The following CDC73 variants were observed in gnomAD, a reference collection of about 807,000 sequenced individuals.
The protein encoded by CDC73 is cell division cycle 73.
In CDC73, 21 loss-of-function variants were observed where a neutral mutation model predicts 83.7. That is an observed-to-expected ratio of 0.25 (90% CI 0.18 to 0.36). CDC73 has a LOEUF of 0.36. CDC73 is among the 10% of genes least tolerant of loss of function. The probability of loss-of-function intolerance (pLI) is 1.00; values close to 1 mark genes in which losing one functional copy is unlikely to be tolerated. For missense variants in CDC73, 342 were observed against 653.3 expected (o/e 0.52, Z 5.19); for synonymous variants, 224 against 212.9 (o/e 1.05, Z -0.45).
At chr1:193,200,770 T>C (rs1306996827) in intron 10 of CDC73, among the ~76,000 whole-genome samples, 2 of 152,158 alleles carry the variant, frequency 1.3e-5, no homozygotes, top group African/African-American at 4.8e-5. Flanking sequence ...TGTGTGTGTG[T>C]GTGTGCGCGC....
intron 15 of CDC73, among the ~76,000 whole-genome samples, chr1:193,247,399 T>C (rs1677972057): frequency 6.6e-6 from 1 of 152,016 alleles, no homozygotes; most frequent in Admixed American, 6.6e-5. Flanking sequence ...TCTCTCTCTC[T>C]CTTCAGGCCT....
At chr1:193,248,946 A>G (rs1677997875) in intron 15 of CDC73, among the ~76,000 whole-genome samples, 2 of 152,092 alleles carry the variant, frequency 1.3e-5, no homozygotes, top group Admixed American at 6.6e-5. Context: ...CAAAGGATTT[A>G]GAACATGACA....
intron 10 of CDC73, among the ~76,000 whole-genome samples, chr1:193,159,064 A>T (rs1174109523): frequency 6.6e-6 from 1 of 152,212 alleles, no homozygotes; most frequent in Non-Finnish European, 1.5e-5. Flanking sequence ...AACAAATGGT[A>T]CTTGTAAAAA....
rs1216098981 is a variant in CDC73, at chr1:193,125,178, C to T, written c.198C>T (p.Asn66=). 3.7e-6 allele frequency: 6 copies of T among 1,608,730 alleles called. No homozygotes were observed. In the African/African-American group the frequency reaches 4.0e-5, roughly 11 times the overall value. The change falls in exon 2 of 17, where the codon AAC becomes AAT. Residue 66 remains asparagine, a synonymous_variant. Transcript: ENST00000367435. ...ATTCCATTTTATTTCTACTTAATAACGTGCACCTTTCTCATCCTGTTTATG... is the reference window on the plus strand; with the variant it reads ...ATTCCATTTTATTTCTACTTAATAATGTGCACCTTTCTCATCCTGTTTATG... ...TLDSILFLLN[N]VHLSHPVYVR... is the part of the protein sequence containing the mutation.
chr1:193,162,375 T>C (rs928304856), intron 10 of CDC73, among the ~76,000 whole-genome samples: 6 of 140,862 alleles, frequency 4.3e-5, no homozygotes, highest in African/African-American at 1.6e-4. Flanking sequence ...AGTGTATATA[T>C]ATATATACAC....
At chr1:193,250,324 A>G (rs973466353) in intron 16 of CDC73, among the ~76,000 whole-genome samples, 4 of 151,888 alleles carry the variant, frequency 2.6e-5, no homozygotes, top group Admixed American at 6.6e-5. Flanking sequence ...CTTTACATTA[A>G]TAACAGTTTT....
At chr1:193,140,851 T>C (rs960819206) in intron 6 of CDC73, among the ~76,000 whole-genome samples, 1 of 152,222 alleles carries the variant, frequency 6.6e-6, no homozygotes, top group Non-Finnish European at 1.5e-5. Context: ...TAACTGAAAC[T>C]GTGGAAAGCC....
intron 10 of CDC73, among the ~76,000 whole-genome samples, chr1:193,157,875 A>G (rs1196302009): frequency 2.0e-5 from 3 of 152,068 alleles, no homozygotes; most frequent in Non-Finnish European, 4.4e-5. Context: ...TAACCTTTCT[A>G]TCAGTGATTT....
intron 15 of CDC73, among the ~76,000 whole-genome samples, chr1:193,244,734 T>TGCTTCTA (rs1376377595): frequency 6.6e-6 from 1 of 152,358 alleles, no homozygotes; most frequent in Admixed American, 6.5e-5. Context: ...TTCAATTACC[T>TGCTTCTA]GCTTCTAGAT....
At chr1:193,222,963 A>G (rs1677498564) in intron 13 of CDC73, among the ~76,000 whole-genome samples, 1 of 152,012 alleles carries the variant, frequency 6.6e-6, no homozygotes, top group African/African-American at 2.4e-5. Context: ...TTCTTTGGCC[A>G]CACCTTAATC....
At chr1:193,169,857 CT>C (rs1342975245) in intron 10 of CDC73, among the ~76,000 whole-genome samples, 1 of 151,430 alleles carries the variant, frequency 6.6e-6, no homozygotes, top group African/African-American at 2.4e-5. Context: ...CACATGTAAA[CT>C]TGTGTCATGG....
intron 10 of CDC73, among the ~76,000 whole-genome samples, chr1:193,189,061 C>G (rs987036102): frequency 6.6e-6 from 1 of 151,106 alleles, no homozygotes; most frequent in Non-Finnish European, 1.5e-5. Flanking sequence ...TCAAGAGATT[C>G]TCGTGCTTCA....
At chr1:193,217,095 T>G (rs1677380939) in intron 13 of CDC73, among the ~76,000 whole-genome samples, 1 of 152,122 alleles carries the variant, frequency 6.6e-6, no homozygotes, top group African/African-American at 2.4e-5. Flanking sequence ...TGTTCCTTTG[T>G]CTCCCTCCCA....
At chr1:193,206,587 C>T (rs962560139) in intron 11 of CDC73, among the ~76,000 whole-genome samples, 2 of 152,130 alleles carry the variant, frequency 1.3e-5, no homozygotes, top group Non-Finnish European at 2.9e-5. Context: ...CTGACATGTA[C>T]ACTAGTATTA....
At position 193,122,066 on chromosome 1, in the gene CDC73, C is replaced by G; in HGVS notation, c.-135C>G. ...CTGCTGCTGTCGTAGGCGAGGACGGCTGTTAGTGCTGCTGCTGTTGGTTCG... is the reference window on the plus strand; with the variant it reads ...CTGCTGCTGTCGTAGGCGAGGACGGGTGTTAGTGCTGCTGCTGTTGGTTCG... On this transcript the variant is annotated 5_prime_UTR_variant, in exon 1 of 17. Coordinates refer to ENST00000367435, the MANE Select transcript of CDC73 (RefSeq NM_024529.5). 1.3e-6 allele frequency: 1 copy of G among 788,514 alleles called. No individual in the cohort carries two copies. The allele number at this position is 788,514 out of a possible 1,614,324, so 48.8% of individuals were successfully genotyped here.
intron 2 of CDC73, among the ~76,000 whole-genome samples, chr1:193,126,676 C>T (rs2103115074): frequency 6.6e-6 from 1 of 152,152 alleles, no homozygotes; most frequent in South Asian, 2.1e-4. Context: ...GTTGCTTTTG[C>T]TTACAAGTAT....
At chr1:193,148,837 G>A (rs1676054717) in intron 8 of CDC73, among the ~76,000 whole-genome samples, 1 of 151,400 alleles carries the variant, frequency 6.6e-6, no homozygotes, top group African/African-American at 2.4e-5. Flanking sequence ...TAGAGATGGG[G>A]TTTCGTCCTG....
chr1:193,233,074 G>A lies in CDC73; in HGVS notation c.1236G>A (p.Met412Ile), dbSNP rs757006970. The part of the protein sequence containing the change: ...ETLIQRRKDQ[M>I]QPGGTAISVT... ...TAATACAAAGAAGAAAAGACCAGATGCAACCAGGGGGCACTGCAATTAGTG... is the reference window on the plus strand; with the variant it reads ...TAATACAAAGAAGAAAAGACCAGATACAACCAGGGGGCACTGCAATTAGTG... The change falls in exon 14 of 17, where the codon ATG (methionine) becomes ATA (isoleucine). Residue 412 changes from methionine to isoleucine, a missense_variant. Met to Ile is a conservative substitution (Grantham distance 10, BLOSUM62 1). This residue lies in a region of CDC73 where 239 missense variants were observed against 420.6 expected (regional missense o/e 0.57). Transcript: ENST00000367435. The A allele has an allele frequency of 2.0e-5, 33 of 1,612,992 alleles. No homozygotes were observed. The highest frequency in any genetic ancestry group is 1.6e-4 in the Middle Eastern group (1 of 6,082).
intron 15 of CDC73, among the ~76,000 whole-genome samples, chr1:193,239,791 A>G (rs1253316110): frequency 1.3e-5 from 2 of 152,182 alleles, no homozygotes; most frequent in African/African-American, 2.4e-5. Flanking sequence ...TATATAATAC[A>G]TTATTGTTAA....
Sources: gnomAD v4.1 joint callset for allele counts (sites outside exome capture counted in the v4.1 genomes callset) on GRCh38, gnomAD v4.1.1 for gene constraint, gnomAD v4.1.1 regional missense constraint, MANE v1.5 for transcripts, NCBI Gene and HGNC (gene_info 2026-07-23, HGNC 2026-07-21) for gene names.